The following SCMH1 variants were observed in gnomAD, a reference collection of about 807,000 sequenced individuals.
The protein encoded by SCMH1 is Scm polycomb group protein homolog 1.
A neutral mutation model predicts 70.8 loss-of-function variants in SCMH1; 37 were observed. The ratio of observed to expected loss-of-function variants is 0.52; its 90% confidence interval spans 0.40 to 0.69. The LOEUF (loss-of-function observed/expected upper bound fraction) is 0.69, where lower values mean the gene tolerates loss of function less well. Among genes scored for constraint, SCMH1 ranks in the 30% least tolerant of loss-of-function variants. SCMH1 has a pLI of 0.00. For synonymous variants in SCMH1, 292 were observed against 307.4 expected (o/e 0.95, Z 0.52); for missense variants, 607 against 827.3 (o/e 0.73, Z 3.27).
chr1:41,060,022 A>G (rs1652023185), intron 10 of SCMH1, among the ~76,000 whole-genome samples: 4 of 152,024 alleles, frequency 2.6e-5, no homozygotes, highest in Middle Eastern at 3.4e-3. Flanking sequence ...AAAAAAAACC[A>G]TAACAGAATA....
Position 41,228,107 on chromosome 1 carries a change from G to A in SCMH1, c.-118+13952C>T, listed in dbSNP as rs1660613579. On this transcript the variant is annotated intron_variant, in intron 1 of 14. Coordinates refer to ENST00000337495, the Ensembl canonical transcript of SCMH1. ...GGCTGTCTACAAAGAGGCAAGGACTGGAGGGAAGTTTTACAGGGTCATGCT... is the reference window on the plus strand; with the variant it reads ...GGCTGTCTACAAAGAGGCAAGGACTAGAGGGAAGTTTTACAGGGTCATGCT... 7.2e-5 allele frequency among the ~76,000 whole-genome samples: 11 copies of A among 152,210 alleles called. No homozygotes were observed. In the South Asian group the frequency reaches 2.1e-3, roughly 29 times the overall value.
At chr1:41,166,665 G>C (rs533141932) in intron 2 of SCMH1, among the ~76,000 whole-genome samples, 1 of 84,766 alleles carries the variant, frequency 1.2e-5, no homozygotes, top group East Asian at 3.0e-4. Context: ...TTAGTGTATA[G>C]AAATGCTACT....
At chr1:41,083,438 A>G (rs1473152965) in intron 8 of SCMH1, among the ~76,000 whole-genome samples, 1 of 152,202 alleles carries the variant, frequency 6.6e-6, no homozygotes, top group Non-Finnish European at 1.5e-5. Context: ...GGACCTCTTC[A>G]AGGAGAACTA....
At chr1:41,100,849 C>A (rs991785585) in intron 8 of SCMH1, among the ~76,000 whole-genome samples, 1 of 152,108 alleles carries the variant, frequency 6.6e-6, no homozygotes, top group Non-Finnish European at 1.5e-5. Context: ...CAAGCGTGAC[C>A]CACTGCACCC....
intron 6 of SCMH1, among the ~76,000 whole-genome samples, chr1:41,134,103 T>C (rs1642861382): frequency 6.6e-6 from 1 of 152,180 alleles, no homozygotes; most frequent in South Asian, 2.1e-4. Flanking sequence ...GTCGGCTTCA[T>C]CCCTGGGAAG....
At chr1:41,186,487 G>C (rs1285977534) in intron 1 of SCMH1, among the ~76,000 whole-genome samples, 1 of 152,018 alleles carries the variant, frequency 6.6e-6, no homozygotes, top group Non-Finnish European at 1.5e-5. Flanking sequence ...TGCTACATTT[G>C]GTCCCATTCA....
chr1:41,068,290 G>C (rs1053523669), intron 10 of SCMH1, among the ~76,000 whole-genome samples: 39 of 152,150 alleles, frequency 2.6e-4, no homozygotes, highest in African/African-American at 9.2e-4. Context: ...GCAAAGAATA[G>C]GGGTAAGAAC....
At chr1:41,050,777 A>G in intron 10 of SCMH1, among the ~76,000 whole-genome samples, 1 of 152,166 alleles carries the variant, frequency 6.6e-6, no homozygotes, top group East Asian at 1.9e-4. Flanking sequence ...TGGAGTGGGG[A>G]GTGATGAGAA....
intron 5 of SCMH1, 23 bp from the exon 6 acceptor site, chr1:41,143,135 T>C (rs1007525392): frequency 1.5e-5 from 24 of 1,590,366 alleles, no homozygotes; most frequent in Non-Finnish European, 2.1e-5. Context: ...AGGCATGAGG[T>C]ATAGACAGAT....
chr1:41,163,107 C>G, intron 2 of SCMH1: 1 of 152,266 alleles, frequency 6.6e-6, no homozygotes, highest in Non-Finnish European at 1.5e-5. Context: ...CTGTGACTCC[C>G]TCTTTCCGGC....
At chr1:41,139,201 C>T (rs1219505309) in intron 6 of SCMH1, among the ~76,000 whole-genome samples, 3 of 152,176 alleles carry the variant, frequency 2.0e-5, no homozygotes, top group Non-Finnish European at 4.4e-5. Context: ...GTGCTCTAAT[C>T]CACAAGATCT....
At chr1:41,085,667 T>C (rs988925225) in intron 8 of SCMH1, among the ~76,000 whole-genome samples, 2 of 152,168 alleles carry the variant, frequency 1.3e-5, no homozygotes, top group African/African-American at 4.8e-5. Context: ...GCAATGTGAC[T>C]AGTTCAAACT....
chr1:41,224,330 C>A (rs1659862042), intron 1 of SCMH1, among the ~76,000 whole-genome samples: 1 of 151,926 alleles, frequency 6.6e-6, no homozygotes, highest in African/African-American at 2.4e-5. Context: ...TTCTTTATCC[C>A]CTGTATCTAA....
intron 1 of SCMH1, among the ~76,000 whole-genome samples, chr1:41,201,285 G>A (rs777050193): frequency 1.3e-5 from 2 of 152,100 alleles, no homozygotes; most frequent in Non-Finnish European, 2.9e-5. Flanking sequence ...AAACTTGAGG[G>A]TAAACATGGT....
At chr1:41,128,964 T>C (rs1481040103) in intron 6 of SCMH1, among the ~76,000 whole-genome samples, 1 of 152,180 alleles carries the variant, frequency 6.6e-6, no homozygotes, top group Non-Finnish European at 1.5e-5. Context: ...TCACTTGAGA[T>C]ATTATCTTGT....
intron 2 of SCMH1, among the ~76,000 whole-genome samples, chr1:41,175,376 G>A: frequency 6.6e-6 from 1 of 152,150 alleles, no homozygotes. Context: ...CATTGAAGGA[G>A]GAGTTACACC....
intron 9 of SCMH1, among the ~76,000 whole-genome samples, chr1:41,072,178 C>A (rs1656768074): frequency 6.6e-6 from 1 of 152,164 alleles, no homozygotes. Context: ...ATGAAGCATT[C>A]AAAACACACA....
intron 1 of SCMH1, among the ~76,000 whole-genome samples, chr1:41,237,544 C>T (rs1018545451): frequency 1.3e-5 from 2 of 152,152 alleles, no homozygotes; most frequent in African/African-American, 2.4e-5. Context: ...CTCCAAACTG[C>T]ATCACAGTTT....
At position 41,091,370 on chromosome 1, in the gene SCMH1, T is replaced by C. The variant is rs187623977; in HGVS notation, c.746-15919A>G. On this transcript the variant is annotated intron_variant, in intron 8 of 14. Transcript: ENST00000337495. ...CTAAAAACTCTCAATAAACTAGGTA[T>C]TGATGGGATGTATCTCAAAATAATA... Among the ~76,000 whole-genome samples the C allele has an allele frequency of 5.0e-3, 756 of 152,324 alleles. 9 individuals are homozygous for C. Among genetic ancestry groups the C allele is most frequent in the African/African-American group, 0.017 (705 of 41,562 alleles).
Sources: allele counts gnomAD v4.1 joint callset (sites outside exome capture counted in the v4.1 genomes callset), GRCh38; gene constraint gnomAD v4.1.1; transcripts MANE v1.5; gene names NCBI Gene and HGNC (gene_info 2026-07-23, HGNC 2026-07-21).